LY75: variants seen among roughly 807,000 people sequenced by gnomAD.
LY75 encodes the protein lymphocyte antigen 75, also known as C-type lectin domain family 13 member B.
LY75 carries 185 observed loss-of-function variants against 231.7 expected under a neutral mutation model. The ratio of observed to expected loss-of-function variants is 0.80; its 90% CI spans 0.71 to 0.90. The LOEUF is 0.90. LY75 is among the 40% of genes least tolerant of loss of function. The probability of loss-of-function intolerance (pLI) is 0.00; values close to 1 mark genes in which losing one functional copy is unlikely to be tolerated. For synonymous variants in LY75, 668 were observed against 689.0 expected, an observed-to-expected ratio of 0.97 and a Z score of 0.48; for missense variants, 1,947 against 2,050.2, an observed-to-expected ratio of 0.95 and a Z score of 0.97.
At chr2:159,874,615 A>AAT (rs1330413026) in intron 12 of LY75, among the ~76,000 whole-genome samples, 1 of 102,950 alleles carries the variant, frequency 9.7e-6, no homozygotes, top group African/African-American at 3.9e-5. Flanking sequence ...ATATTTTGTA[A>AAT]ATATATATAT....
At chr2:159,890,968 T>C (rs577209087) in intron 3 of LY75, among the ~76,000 whole-genome samples, 1 of 152,306 alleles carries the variant, frequency 6.6e-6, no homozygotes, top group South Asian at 2.1e-4. Flanking sequence ...TAGAAACATA[T>C]ATACATATGT....
At chr2:159,874,100 T>A (rs184954156) in intron 12 of LY75, among the ~76,000 whole-genome samples, 22,312 of 117,004 alleles carry the variant, frequency 0.19, 4,271 homozygotes, top group South Asian at 0.58. Context: ...ATTTTGTAAA[T>A]ATATAAACGT....
intron 31 of LY75, 108 bp downstream of exon 31, chr2:159,815,297 G>A (rs1000443674): frequency 7.2e-6 from 10 of 1,388,976 alleles, no homozygotes; most frequent in Admixed American, 5.8e-5. Context: ...CACTGCGCCC[G>A]GCCCTTGTGA....
intron 4 of LY75, among the ~76,000 whole-genome samples, chr2:159,889,039 G>A (rs1685674040): frequency 6.6e-6 from 1 of 152,014 alleles, no homozygotes; most frequent in South Asian, 2.1e-4. Context: ...ACTCATCAGG[G>A]ACTCAGTAAC....
At chr2:159,860,753 T>C in intron 15 of LY75, 68 bp downstream of exon 15, 1 of 1,574,666 alleles carries the variant, frequency 6.4e-7, no homozygotes, top group Non-Finnish European at 8.7e-7. Flanking sequence ...TCCATGGATC[T>C]GTTACTTGAC....
At chr2:159,817,082 C>T (rs1012015308) in intron 29 of LY75, 50 bp from the exon 30 acceptor site, 4 of 1,485,230 alleles carry the variant, frequency 2.7e-6, no homozygotes, top group Non-Finnish European at 3.6e-6. Context: ...ATTTCAAATA[C>T]ATCTTTTGGA....
chr2:159,869,121 G>A (rs972886870), intron 13 of LY75, among the ~76,000 whole-genome samples: 2 of 152,006 alleles, frequency 1.3e-5, no homozygotes, highest in Non-Finnish European at 2.9e-5. Flanking sequence ...GACACAGGGC[G>A]GGGAACATCA....
chr2:159,903,885 C>T (rs1686153663), intron 1 of LY75, among the ~76,000 whole-genome samples: 1 of 152,210 alleles, frequency 6.6e-6, no homozygotes. Flanking sequence ...GTCCTGCTTC[C>T]GCAGTGAGAG....
chr2:159,823,910 G>A (rs1463306440), intron 28 of LY75, among the ~76,000 whole-genome samples: 1 of 152,170 alleles, frequency 6.6e-6, no homozygotes, highest in Non-Finnish European at 1.5e-5. Context: ...GAGAGATTTT[G>A]TCACCACCAA....
At chr2:159,828,779 G>A (rs777127161) in intron 28 of LY75, among the ~76,000 whole-genome samples, 7 of 152,116 alleles carry the variant, frequency 4.6e-5, no homozygotes, top group African/African-American at 4.8e-5. Flanking sequence ...TAAATAAAAT[G>A]TATTATATCC....
intron 11 of LY75, among the ~76,000 whole-genome samples, chr2:159,877,009 C>CAAAAAAA (rs58831835): frequency 4.9e-3 from 442 of 90,130 alleles, no homozygotes; most frequent in African/African-American, 8.9e-3. Context: ...AACTCCATCT[C>CAAAAAAA]AAAAAAAAAA....
chr2:159,871,245 G>C (rs916034846), intron 13 of LY75, among the ~76,000 whole-genome samples: 5 of 152,066 alleles, frequency 3.3e-5, no homozygotes, highest in Non-Finnish European at 1.5e-5. Flanking sequence ...TACCTATTAA[G>C]ATGATCACAT....
chr2:159,895,268 T>C (rs144723197), intron 2 of LY75, among the ~76,000 whole-genome samples: 27 of 152,358 alleles, frequency 1.8e-4, no homozygotes, highest in African/African-American at 6.3e-4. Flanking sequence ...TGGTTTTGTT[T>C]TGCTGTGTCA....
At chr2:159,810,419 T>G (rs1682924472) in intron 32 of LY75, 107 bp downstream of exon 32, 2 of 1,442,644 alleles carry the variant, frequency 1.4e-6, no homozygotes, top group African/African-American at 1.4e-5. Flanking sequence ...AAATGGAAAG[T>G]GCTTTAAAAA....
intron 21 of LY75, among the ~76,000 whole-genome samples, chr2:159,851,483 A>G (rs1345618340): frequency 1.3e-5 from 2 of 152,228 alleles, no homozygotes; most frequent in Non-Finnish European, 2.9e-5. Context: ...CGGAAGCCTT[A>G]TATTAAGGAT....
Position 159,821,643 on chromosome 2 carries a change from G to T in LY75, c.3959-1723C>A, listed in dbSNP as rs1447579449. On this transcript the variant is annotated intron_variant, in intron 28 of 34. Coordinates refer to ENST00000263636, the MANE Select transcript of LY75 (RefSeq NM_002349.4). Reference sequence around the variant, plus strand: ...TCAAAAAAAAAAAAAGAAAAGAAAAGAAAGAAAACATAGGAGTAAGTCTTC... The same window carrying T: ...TCAAAAAAAAAAAAAGAAAAGAAAATAAAGAAAACATAGGAGTAAGTCTTC... 3.7e-5 allele frequency among the ~76,000 whole-genome samples: 5 copies of T among 134,312 alleles called. No homozygotes were observed. In the East Asian group the frequency reaches 7.0e-4, roughly 19 times the overall value. 88.1% of individuals were successfully genotyped at this position (134,312 alleles called of 152,430 possible).
At chr2:159,830,164 C>T (rs895331027) in intron 28 of LY75, among the ~76,000 whole-genome samples, 2 of 152,144 alleles carry the variant, frequency 1.3e-5, no homozygotes, top group African/African-American at 4.8e-5. Context: ...TTTCCATTAA[C>T]CCCTCTGCCA....
At chr2:159,901,831 C>T (rs1686090166) in intron 1 of LY75, among the ~76,000 whole-genome samples, 1 of 152,180 alleles carries the variant, frequency 6.6e-6, no homozygotes, top group African/African-American at 2.4e-5. Context: ...TATTGATATA[C>T]TTAAAGGAAA....
intron 15 of LY75, 65 bp from the exon 16 acceptor site, chr2:159,858,541 G>A (rs1234676286): frequency 2.0e-6 from 3 of 1,510,860 alleles, no homozygotes; most frequent in Non-Finnish European, 8.8e-7. Context: ...ACACTAAACT[G>A]TAAGCCCTAT....
Sources: gnomAD v4.1 joint callset for allele counts (sites outside exome capture counted in the v4.1 genomes callset) on GRCh38, gnomAD v4.1.1 for gene constraint, MANE v1.5 for transcripts, NCBI Gene and HGNC (gene_info 2026-07-23, HGNC 2026-07-21) for gene names.